Variants in CEP120 observed in about 807,000 individuals in gnomAD.
The protein encoded by CEP120 is centrosomal protein of 120 kDa.
CEP120 carries 113 observed loss-of-function variants against 126.5 expected under a neutral mutation model. The observed-to-expected ratio is 0.89, with a 90% confidence interval of 0.77 to 1.04. CEP120 has a LOEUF of 1.04. CEP120 is among the 50% of genes least tolerant of loss of function. CEP120 has a pLI of 0.00. For missense variants in CEP120, 1,230 were observed against 1,155.7 expected (o/e 1.06, Z -0.93); for synonymous variants, 400 against 394.3 (o/e 1.01, Z -0.17).
In CEP120 at chr5:123,390,142, T is replaced by C; in HGVS notation, c.1039-2A>G. ...CTGGGTCTTTAATTCAATTAAAGAC[T>C]AAAAACAATTTTTAAATAAAGTATA... On this transcript the variant is annotated splice_acceptor_variant, in intron 7 of 19. Transcript: ENST00000306467. LOFTEE classifies it high-confidence loss of function. 6.3e-7 allele frequency: 1 copy of C among 1,574,856 alleles called. No homozygotes were observed. Among genetic ancestry groups the C allele is most frequent in the Non-Finnish European group, 8.7e-7 (1 of 1,154,000 alleles).
At chr5:123,356,488 C>G (rs1047294973) in intron 18 of CEP120, among the ~76,000 whole-genome samples, 76 of 152,172 alleles carry the variant, frequency 5.0e-4, no homozygotes, top group Admixed American at 4.6e-4. Context: ...AAATATCTGT[C>G]TTTAATGGGA....
intron 4 of CEP120, chr5:123,402,434 TA>T (rs1368265379): frequency 1.9e-6 from 2 of 1,051,692 alleles, no homozygotes. Flanking sequence ...TTTTGTTTTT[TA>T]TTGAGACAGA....
At chr5:123,368,192 AT>A (rs1289078163) in intron 17 of CEP120, among the ~76,000 whole-genome samples, 1 of 151,936 alleles carries the variant, frequency 6.6e-6, no homozygotes, top group African/African-American at 2.4e-5. Flanking sequence ...ATTTATTTTT[AT>A]TGTGGATATT....
intron 5 of CEP120, among the ~76,000 whole-genome samples, chr5:123,394,108 A>G (rs892719855): frequency 1.3e-5 from 2 of 152,236 alleles, no homozygotes; most frequent in African/African-American, 4.8e-5. Context: ...ATATTTTCTA[A>G]CAGACCTTTA....
Position 123,399,225 on chromosome 5 carries a change from C to T in CEP120, c.523G>A (p.Gly175Arg). 1 of 1,613,990 alleles carries T rather than the reference C, an allele frequency of 6.2e-7. No individual in the cohort carries two copies. The highest frequency in any genetic ancestry group is 8.5e-7 in the Non-Finnish European group (1 of 1,179,878). Residue 175 changes from glycine to arginine, a missense_variant, in exon 5 of 20, where the codon GGA (glycine) becomes AGA (arginine). Transcript: ENST00000306467. ...RDIVAVLNEEGGYHQIGPAEY... is the reference protein window; with the variant it reads ...RDIVAVLNEERGYHQIGPAEY... ...GCTGGTCCAATCTGATGGTAGCCTC[C>T]CTCTTCATTCAGCACAGCCACAATG...
At chr5:123,372,184 G>T (rs1770900807) in intron 17 of CEP120, among the ~76,000 whole-genome samples, 1 of 152,084 alleles carries the variant, frequency 6.6e-6, no homozygotes, top group South Asian at 2.1e-4. Flanking sequence ...ATCTACAGGG[G>T]TGATACACGG....
intron 4 of CEP120, among the ~76,000 whole-genome samples, chr5:123,402,676 G>A (rs1022821968): frequency 4.6e-5 from 7 of 152,190 alleles, no homozygotes; most frequent in African/African-American, 7.2e-5. Context: ...GCCTCCCAAA[G>A]TGCTGGAACA....
chr5:123,372,865 A>G lies in CEP120; in HGVS notation c.2359-93T>C, dbSNP rs1397125244. 3.1e-6 allele frequency: 3 copies of G among 980,556 alleles called. No homozygotes were observed. In the African/African-American group the frequency reaches 5.0e-5, roughly 16 times the overall value. 60.7% of individuals were successfully genotyped at this position (980,556 alleles called of 1,614,324 possible). A position where few individuals can be genotyped will look rare whatever the true frequency, so the allele number is the denominator to read the frequency against. ...TCAACAAGGTCTTTTTTTTTATTCT[A>G]CAGCATGCTCATAGTAGAAAATCTG... On this transcript the variant is annotated intron_variant, in intron 16 of 19. Coordinates refer to ENST00000306467, the MANE Select transcript of CEP120 (RefSeq NM_001375405.1).
At chr5:123,419,858 A>C (rs1453701914) in intron 1 of CEP120, among the ~76,000 whole-genome samples, 1 of 152,238 alleles carries the variant, frequency 6.6e-6, no homozygotes, top group Admixed American at 6.5e-5. Context: ...AGGAAGCTAA[A>C]GAACATCAAC....
chr5:123,364,600 A>G lies in CEP120; in HGVS notation c.2482-6T>C. On this transcript the variant is annotated splice_region_variant and splice_polypyrimidine_tract_variant and intron_variant, in intron 17 of 19. Transcript: ENST00000306467. ...AACTTTCTTTCAAGTTCAACCTAAC[A>G]GTGATTAAAATCATATCAAGTGAAA... 2 of 1,563,704 alleles carry G rather than the reference A, an allele frequency of 1.3e-6. No individual in the cohort carries two copies. The highest frequency in any genetic ancestry group is 1.8e-6 in the Non-Finnish European group (2 of 1,140,290).
intron 19 of CEP120, among the ~76,000 whole-genome samples, chr5:123,349,205 A>G (rs1769034370): frequency 6.6e-6 from 1 of 152,142 alleles, no homozygotes; most frequent in Non-Finnish European, 1.5e-5. Flanking sequence ...TTAAAATGCA[A>G]TCTCTGGAAT....
chr5:123,386,208 T>C (rs1196491007), intron 10 of CEP120, among the ~76,000 whole-genome samples: 1 of 152,126 alleles, frequency 6.6e-6, no homozygotes, highest in East Asian at 1.9e-4. Flanking sequence ...TCTTCCCACA[T>C]TATATCAGGA....
chr5:123,391,195 T>C lies in CEP120; in HGVS notation c.953A>G (p.Lys318Arg). The change falls in exon 7 of 20, where the codon AAA (lysine) becomes AGA (arginine). Residue 318 changes from lysine to arginine, a missense_variant. Transcript: ENST00000306467. Reference sequence around the variant, plus strand: ...CACAGGAATAGGTGCAAGCTTCTGTTTGGCTCTGTTTGGAGGGTCAAGGGT... The same window carrying C: ...CACAGGAATAGGTGCAAGCTTCTGTCTGGCTCTGTTTGGAGGGTCAAGGGT... ...AFTLDPPNRA[K>R]QKLAPIPVEL... 1.2e-6 allele frequency: 2 copies of C among 1,614,100 alleles called. No individual in the cohort carries two copies. Among genetic ancestry groups the C allele is most frequent in the Non-Finnish European group, 8.5e-7 (1 of 1,180,028 alleles).
intron 17 of CEP120, among the ~76,000 whole-genome samples, chr5:123,369,726 G>A (rs55784139): frequency 6.6e-6 from 1 of 151,916 alleles, no homozygotes; most frequent in Non-Finnish European, 1.5e-5. Flanking sequence ...ATGTGGGGTG[G>A]TATCTATTCC....
At chr5:123,373,779 A>G (rs1056684711) in intron 16 of CEP120, among the ~76,000 whole-genome samples, 1 of 152,030 alleles carries the variant, frequency 6.6e-6, no homozygotes, top group African/African-American at 2.4e-5. Flanking sequence ...CCCTGGAACT[A>G]TAAGGCCTCC....
chr5:123,397,305 C>G (rs545969071), intron 5 of CEP120, among the ~76,000 whole-genome samples: 1 of 152,096 alleles, frequency 6.6e-6, no homozygotes, highest in Non-Finnish European at 1.5e-5. Context: ...GCCTGGGTGA[C>G]AAGAGCGAGG....
intron 9 of CEP120, among the ~76,000 whole-genome samples, chr5:123,386,941 C>G: frequency 6.6e-6 from 1 of 151,964 alleles, no homozygotes. Flanking sequence ...ATTTGTAAAC[C>G]TGGTTTATTT....
rs1055532235 is a variant in CEP120, at chr5:123,345,860, A to G, written c.*659T>C. On this transcript the variant is annotated 3_prime_UTR_variant, in exon 20 of 20. Transcript: ENST00000306467. ...GAGGAAGAAACCAACAGAGAAAACTATATTAAGCTAATACTTCATGTTCTT... is the reference window on the plus strand; with the variant it reads ...GAGGAAGAAACCAACAGAGAAAACTGTATTAAGCTAATACTTCATGTTCTT... The G allele has an allele frequency of 3.3e-5, 5 of 152,198 alleles. No individual in the cohort carries two copies. Among genetic ancestry groups the G allele is most frequent in the East Asian group, 1.9e-4 (1 of 5,202 alleles). 9.4% of individuals were successfully genotyped at this position (152,198 alleles called of 1,614,324 possible). A position where few individuals can be genotyped will look rare whatever the true frequency, so the allele number is the denominator to read the frequency against.
At chr5:123,408,810 TAAAGA>T (rs370996486) in intron 4 of CEP120, among the ~76,000 whole-genome samples, 1 of 152,074 alleles carries the variant, frequency 6.6e-6, no homozygotes, top group African/African-American at 2.4e-5. Context: ...GACATTACAA[TAAAGA>T]AAAGAAAACA....
Sources: gnomAD v4.1 joint callset for allele counts (sites outside exome capture counted in the v4.1 genomes callset) on GRCh38, gnomAD v4.1.1 for gene constraint, MANE v1.5 for transcripts, NCBI Gene and HGNC (gene_info 2026-07-23, HGNC 2026-07-21) for gene names.